The following ACTL8 variants were observed in gnomAD, a reference collection of about 807,000 sequenced individuals.
ACTL8 encodes the protein actin-like protein 8.
Under a neutral mutation model 9.3 loss-of-function variants are expected in ACTL8, and 3 were observed. The observed-to-expected ratio is 0.32, with a 90% CI of 0.15 to 0.83. The LOEUF is 0.83. ACTL8 is among the 40% of genes least tolerant of loss of function. ACTL8 has a pLI of 0.57. For synonymous variants in ACTL8, 224 were observed against 205.9 expected, an observed-to-expected ratio of 1.09 and a Z score of -0.75; for missense variants, 381 against 492.2, an observed-to-expected ratio of 0.77 and a Z score of 2.14.
chr1:17,824,255 A>AT (rs1469638826), intron 2 of ACTL8, among the ~76,000 whole-genome samples: 1 of 152,174 alleles, frequency 6.6e-6, no homozygotes, highest in Non-Finnish European at 1.5e-5. Flanking sequence ...CCCACCACCT[A>AT]TTTTGTAAAT....
At chr1:17,773,926 A>G (rs1186279590) in intron 1 of ACTL8, among the ~76,000 whole-genome samples, 1 of 152,250 alleles carries the variant, frequency 6.6e-6, no homozygotes, top group Non-Finnish European at 1.5e-5. Flanking sequence ...AGGGTGCACT[A>G]GAGTGACGTT....
intron 1 of ACTL8, among the ~76,000 whole-genome samples, chr1:17,816,950 A>G (rs1346948067): frequency 1.3e-5 from 2 of 152,188 alleles, no homozygotes; most frequent in East Asian, 3.9e-4. Flanking sequence ...TAAAACAAAT[A>G]GGAACCTCAC....
intron 1 of ACTL8, among the ~76,000 whole-genome samples, chr1:17,815,348 C>A (rs2066419521): frequency 1.3e-5 from 2 of 152,174 alleles, no homozygotes; most frequent in South Asian, 4.1e-4. Flanking sequence ...AGCAGTTCTG[C>A]TAGTAATTTT....
chr1:17,816,340 C>T (rs1282488515), intron 1 of ACTL8, among the ~76,000 whole-genome samples: 1 of 151,938 alleles, frequency 6.6e-6, no homozygotes. Flanking sequence ...TAGCTGGGAC[C>T]ACAGGCACAC....
chr1:17,817,802 G>A (rs540812635), intron 1 of ACTL8, among the ~76,000 whole-genome samples: 10 of 152,018 alleles, frequency 6.6e-5, no homozygotes, highest in African/African-American at 2.2e-4. Flanking sequence ...CTGGGTTCAA[G>A]CAATTCTCCT....
chr1:17,810,611 C>G (rs1225186491), intron 1 of ACTL8, among the ~76,000 whole-genome samples: 2 of 152,164 alleles, frequency 1.3e-5, no homozygotes, highest in African/African-American at 4.8e-5. Flanking sequence ...CATGTAACCA[C>G]TCTGGCAATC....
At position 17,826,680 on chromosome 1, in the gene ACTL8, C is replaced by A; in HGVS notation, c.*161C>A. 1.4e-6 allele frequency: 1 copy of A among 702,868 alleles called. No homozygotes were observed. Among genetic ancestry groups the A allele is most frequent in the Non-Finnish European group, 2.1e-6 (1 of 468,934 alleles). The allele number at this position is 702,868 out of a possible 1,614,324, so 43.5% of individuals were successfully genotyped here. A position where few individuals can be genotyped will look rare whatever the true frequency, so the allele number is the denominator to read the frequency against. On this transcript the variant is annotated 3_prime_UTR_variant, in exon 3 of 3. Coordinates refer to ENST00000375406, the MANE Select transcript of ACTL8 (RefSeq NM_030812.3). This position sits in a 1 kb window ranked among gnomAD's most constrained non-coding sequence, Gnocchi z 4.5. ...TATTTTTTAGGTTCTAAGGTTTTAT[C>A]TTGTTGCAAGAGTGGGACCTACCCA... is the stretch of plus-strand genomic sequence containing the variant.
chr1:17,797,820 G>A (rs113246535), intron 1 of ACTL8, among the ~76,000 whole-genome samples: 98 of 152,286 alleles, frequency 6.4e-4, no homozygotes, highest in African/African-American at 2.0e-3. Flanking sequence ...GAAGTAAAGC[G>A]GTTTGCACAG....
intron 1 of ACTL8, among the ~76,000 whole-genome samples, chr1:17,811,020 T>C (rs966277822): frequency 6.6e-6 from 1 of 152,204 alleles, no homozygotes; most frequent in Non-Finnish European, 1.5e-5. Flanking sequence ...GATTACTTGT[T>C]TGTATGGTAA....
chr1:17,822,999 T>G lies in ACTL8; in HGVS notation c.-10T>G. 1 of 1,610,204 alleles carries G rather than the reference T, an allele frequency of 6.2e-7. No homozygotes were observed. The highest frequency in any genetic ancestry group is 8.5e-7 in the Non-Finnish European group (1 of 1,177,950). Reference sequence around the variant, plus strand: ...TGCTTCCGCAGGTCCCACCCACCTCTGCCTCCGCCATGGCTGCAAGAACCG... The same window carrying G: ...TGCTTCCGCAGGTCCCACCCACCTCGGCCTCCGCCATGGCTGCAAGAACCG... On this transcript the variant is annotated 5_prime_UTR_variant, in exon 2 of 3. Transcript: ENST00000375406.
At chr1:17,804,751 G>C (rs577348295) in intron 1 of ACTL8, among the ~76,000 whole-genome samples, 30 of 152,094 alleles carry the variant, frequency 2.0e-4, no homozygotes, top group African/African-American at 7.2e-4. Context: ...TGAGTAGCTG[G>C]GATATAGGCA....
intron 1 of ACTL8, among the ~76,000 whole-genome samples, chr1:17,809,698 C>G (rs374315970): frequency 4.0e-5 from 6 of 150,976 alleles, no homozygotes; most frequent in Non-Finnish European, 8.8e-5. Context: ...ATCTAATGCC[C>G]GATGATCTGT....
intron 1 of ACTL8, among the ~76,000 whole-genome samples, chr1:17,793,559 C>T (rs1479977294): frequency 1.3e-5 from 2 of 152,172 alleles, no homozygotes; most frequent in East Asian, 3.8e-4. Context: ...ATTTTAGAAC[C>T]TGGGACCTCA....
chr1:17,825,686 A>T, intron 2 of ACTL8, 81 bp from the exon 3 acceptor site: 3 of 1,523,174 alleles, frequency 2.0e-6, no homozygotes, highest in South Asian at 1.3e-5. Context: ...CCCCCCGAGG[A>T]TGGGGCTCTG....
At chr1:17,770,929 C>T (rs11203460) in intron 1 of ACTL8, among the ~76,000 whole-genome samples, 42,372 of 151,992 alleles carry the variant, frequency 0.28, 6,565 homozygotes, top group Admixed American at 0.37. Context: ...CTGGCTTCAC[C>T]GCTGTGAGGC....
At chr1:17,783,199 A>T (rs1247115856) in intron 1 of ACTL8, among the ~76,000 whole-genome samples, 9 of 152,140 alleles carry the variant, frequency 5.9e-5, no homozygotes, top group Non-Finnish European at 1.3e-4. Flanking sequence ...GTCCCCACCC[A>T]AATCTCATCT....
At position 17,756,329 on chromosome 1, in the gene ACTL8, AC is replaced by A. The variant is rs146630619; in HGVS notation, c.-25+827del. 3.5e-3 allele frequency among the ~76,000 whole-genome samples: 525 copies of A among 150,054 alleles called. 6 individuals carry two copies. The highest frequency in any genetic ancestry group is 6.1e-3 in the Non-Finnish European group (412 of 67,754). Reference sequence around the variant, plus strand: ...CCAGGGGCTCTTTCTTGGGGACTCTACCTTGGCCTTGAGGGGTTCTTCCTTG... The same window carrying A: ...CCAGGGGCTCTTTCTTGGGGACTCTACTTGGCCTTGAGGGGTTCTTCCTTG... On this transcript the variant is annotated intron_variant, in intron 1 of 2. Coordinates refer to ENST00000375406, the MANE Select transcript of ACTL8 (RefSeq NM_030812.3).
rs1213191645 is a variant in ACTL8, at chr1:17,812,112, C to T, written c.-24-10873C>T. 2.6e-5 allele frequency among the ~76,000 whole-genome samples: 4 copies of T among 152,076 alleles called. No homozygotes were observed. In the East Asian group the frequency reaches 7.7e-4, roughly 29 times the overall value. ...AGCTCAAGTGATCTGCCTGCCTTGG[C>T]CTCCCAAAGTGCTGGGATTATAGGT... On this transcript the variant is annotated intron_variant, in intron 1 of 2. Coordinates refer to ENST00000375406, the MANE Select transcript of ACTL8 (RefSeq NM_030812.3).
At chr1:17,786,501 AG>A (rs1359391072) in intron 1 of ACTL8, among the ~76,000 whole-genome samples, 1 of 152,204 alleles carries the variant, frequency 6.6e-6, no homozygotes, top group Non-Finnish European at 1.5e-5. Flanking sequence ...GAAGGGTGCC[AG>A]ATAAATAAGT....
Sources: gnomAD v4.1 joint callset for allele counts (sites outside exome capture counted in the v4.1 genomes callset) on GRCh38, gnomAD v4.1.1 for gene constraint, Gnocchi (gnomAD v3.1) non-coding constraint, MANE v1.5 for transcripts, NCBI Gene and HGNC (gene_info 2026-07-23, HGNC 2026-07-21) for gene names.